Variants in RYR2 observed in about 807,000 individuals in gnomAD.
RYR2 encodes ryanodine receptor 2, also known as cardiac muscle ryanodine receptor-calcium release channel.
RYR2 carries 227 observed loss-of-function variants against 601.1 expected under a neutral mutation model. The ratio of observed to expected loss-of-function variants is 0.38; its 90% confidence interval spans 0.34 to 0.42. The LOEUF (loss-of-function observed/expected upper bound fraction) is 0.42, where lower values mean the gene tolerates loss of function less well. RYR2 is among the 10% of genes least tolerant of loss of function. RYR2 has a pLI of 1.00. For missense variants in RYR2, 4,646 were observed against 6,156.5 expected (o/e 0.75, Z 8.21); for synonymous variants, 2,223 against 2,175.1 (o/e 1.02, Z -0.61).
At chr1:237,653,704 A>G (rs889422358) in intron 51 of RYR2, among the ~76,000 whole-genome samples, 4 of 152,304 alleles carry the variant, frequency 2.6e-5, no homozygotes, top group South Asian at 2.1e-4. Flanking sequence ...AGGGGCAAGG[A>G]AGCCAGTTCA....
rs1038963334 is a variant in RYR2 at position 237,042,665 on chromosome 1, C to T, written c.48+96C>T. 20 of 1,177,690 alleles carry T rather than the reference C, an allele frequency of 1.7e-5. No homozygotes were observed. In the African/African-American group the frequency reaches 2.5e-4, roughly 15 times the overall value. The allele number at this position is 1,177,690 out of a possible 1,614,324, so 73.0% of individuals were successfully genotyped here. On this transcript the variant is annotated intron_variant, in intron 1 of 104. Transcript: ENST00000366574. The stretch of plus-strand genomic sequence containing the variant: ...AGAGTGACAGCGGGCAGCGGGGACT[C>T]GCGGGCGGGGCGAGGGGGTGCCCCC...
intron 11 of RYR2, among the ~76,000 whole-genome samples, chr1:237,419,911 ATTTTGCATTATAT>A (rs768421093): frequency 3.9e-5 from 6 of 152,056 alleles, no homozygotes; most frequent in Non-Finnish European, 8.8e-5. Flanking sequence ...ATAATTACTA[ATTTTGCATTATAT>A]TTAGCAATTT....
intron 1 of RYR2, among the ~76,000 whole-genome samples, chr1:237,138,903 A>G (rs1240701176): frequency 6.6e-6 from 1 of 152,236 alleles, no homozygotes; most frequent in Non-Finnish European, 1.5e-5. Flanking sequence ...AAGTGTTGTC[A>G]AGGCTACAGA....
chr1:237,666,614 T>G (rs2148873058), intron 57 of RYR2, 25 bp downstream of exon 57: 1 of 1,566,736 alleles, frequency 6.4e-7, no homozygotes, highest in South Asian at 1.2e-5. Context: ...CTTTTAAAAA[T>G]AGTCTCCAAA....
Position 237,530,446 on chromosome 1 carries a change from T to A in RYR2, c.2842T>A (p.Cys948Ser). Residue 948 changes from cysteine to serine, a missense_variant, in exon 25 of 105, where the codon TGT becomes AGT. Physicochemically the swap from Cys to Ser is moderately radical, Grantham distance 112 (BLOSUM62 -1). Around this residue, in one of 17 missense-constraint regions of RYR2, gnomAD observed 1,807 missense variants for 2,088.1 expected, o/e 0.87. Coordinates refer to ENST00000366574, the MANE Select transcript of RYR2 (RefSeq NM_001035.3). ...ETLKTLLALG[C>S]HVGISDEHAE... ...TTCCAGGACTTTGTTGGCATTAGGA[T>A]GTCATGTGGGTATATCAGATGAACA... 1 of 1,608,638 alleles carries A rather than the reference T, an allele frequency of 6.2e-7. No homozygotes were observed.
At chr1:237,583,148 T>C (rs1674124265) in intron 29 of RYR2, among the ~76,000 whole-genome samples, 1 of 152,162 alleles carries the variant, frequency 6.6e-6, no homozygotes, top group African/African-American at 2.4e-5. Context: ...TAGCTCTTTG[T>C]GGTTTTGATT....
At chr1:237,642,081 T>G (rs1244267955) in intron 47 of RYR2, among the ~76,000 whole-genome samples, 1 of 152,198 alleles carries the variant, frequency 6.6e-6, no homozygotes, top group African/African-American at 2.4e-5. Context: ...TGATTGGTGC[T>G]GGGGTAGTTA....
intron 98 of RYR2, among the ~76,000 whole-genome samples, chr1:237,805,096 G>A (rs769769975): frequency 9.9e-5 from 15 of 152,148 alleles, no homozygotes; most frequent in African/African-American, 3.1e-4. Context: ...TATGAATAGC[G>A]CTGGGTTGAG....
At chr1:237,542,040 A>G (rs1485330191) in intron 25 of RYR2, among the ~76,000 whole-genome samples, 1 of 151,810 alleles carries the variant, frequency 6.6e-6, no homozygotes, top group Non-Finnish European at 1.5e-5. Flanking sequence ...TAATTTCTAT[A>G]AAGGTATACA....
chr1:237,791,910 A>G (rs1207219346), intron 93 of RYR2, 195 bp from the exon 94 acceptor site: 2 of 594,216 alleles, frequency 3.4e-6, no homozygotes, highest in African/African-American at 1.9e-5. Context: ...AATAAGAATG[A>G]ATTTTAAAAG....
At chr1:237,568,831 G>A (rs780005882) in intron 28 of RYR2, among the ~76,000 whole-genome samples, 7 of 152,032 alleles carry the variant, frequency 4.6e-5, no homozygotes, top group Non-Finnish European at 8.8e-5. Flanking sequence ...TATTCTAAAG[G>A]CATATAAGTT....
intron 1 of RYR2, among the ~76,000 whole-genome samples, chr1:237,094,095 C>T (rs1190827737): frequency 6.6e-6 from 1 of 152,218 alleles, no homozygotes; most frequent in Non-Finnish European, 1.5e-5. Context: ...TCTTCGAGTC[C>T]TCCATTTCGA....
In RYR2 at chr1:237,610,673, T is replaced by C; in HGVS notation, c.4684-89T>C. Reference sequence around the variant, plus strand: ...TCATAGGGTTATCTTACTTTCCCTGTCTCTGTCCTGTGCAGAATTCTAGTC... The same window carrying C: ...TCATAGGGTTATCTTACTTTCCCTGCCTCTGTCCTGTGCAGAATTCTAGTC... On this transcript the variant is annotated intron_variant, in intron 35 of 104. Transcript: ENST00000366574. The surrounding 1 kb of genome is among the most constrained non-coding windows in gnomAD (Gnocchi z 4.9). 1 of 1,058,776 alleles carries C rather than the reference T, an allele frequency of 9.4e-7. No homozygotes were observed. The highest frequency in any genetic ancestry group is 1.4e-6 in the Non-Finnish European group (1 of 722,040). 65.6% of individuals were successfully genotyped at this position (1,058,776 alleles called of 1,614,324 possible).
intron 5 of RYR2, among the ~76,000 whole-genome samples, chr1:237,369,111 C>A (rs757124408): frequency 3.3e-5 from 5 of 152,108 alleles, no homozygotes; most frequent in Non-Finnish European, 5.9e-5. Flanking sequence ...GCATGAGCCA[C>A]CACGCCTGGC....
At chr1:237,357,921 C>G (rs1302744025) in intron 4 of RYR2, among the ~76,000 whole-genome samples, 1 of 152,104 alleles carries the variant, frequency 6.6e-6, no homozygotes, top group Admixed American at 6.5e-5. Context: ...TTTTAGAACA[C>G]GGATGATCAC....
chr1:237,795,846 A>ATATATATATATG (rs1436262969), intron 96 of RYR2, among the ~76,000 whole-genome samples: 202 of 116,874 alleles, frequency 1.7e-3, no homozygotes, highest in African/African-American at 7.9e-3. Context: ...GTATATATAT[A>ATATATATATATG]TATGTATATG....
intron 16 of RYR2, among the ~76,000 whole-genome samples, chr1:237,465,571 G>A (rs192794788): frequency 1.9e-3 from 294 of 152,246 alleles, no homozygotes; most frequent in African/African-American, 5.8e-3. Flanking sequence ...ACAAACCTCC[G>A]TGTTATAGCC....
intron 17 of RYR2, among the ~76,000 whole-genome samples, chr1:237,488,453 C>T (rs1194108197): frequency 6.6e-6 from 1 of 152,126 alleles, no homozygotes; most frequent in African/African-American, 2.4e-5. Context: ...AGGCACTAAT[C>T]CCATTCTTAA....
intron 1 of RYR2, among the ~76,000 whole-genome samples, chr1:237,089,359 T>G (rs979396555): frequency 6.6e-6 from 1 of 152,242 alleles, no homozygotes; most frequent in African/African-American, 2.4e-5. Flanking sequence ...TAGAAAAGAA[T>G]AACCATTTCT....
Sources: gnomAD v4.1 joint callset for allele counts (sites outside exome capture counted in the v4.1 genomes callset) on GRCh38, gnomAD v4.1.1 for gene constraint, gnomAD v4.1.1 regional missense constraint, Gnocchi (gnomAD v3.1) non-coding constraint, MANE v1.5 for transcripts, NCBI Gene and HGNC (gene_info 2026-07-23, HGNC 2026-07-21) for gene names.